Variants in NAV3 observed in about 807,000 individuals in gnomAD.
The protein encoded by NAV3 is pore membrane and/or filament interacting like protein 1.
Under a neutral mutation model 244.7 loss-of-function variants are expected in NAV3, and 87 were observed. That is an observed-to-expected ratio of 0.36 (90% CI 0.30 to 0.42). NAV3 has a LOEUF of 0.42. Among genes scored for constraint, NAV3 ranks in the 20% least tolerant of loss-of-function variants. NAV3 has a pLI of 1.00. For missense variants in NAV3, 2,663 were observed against 2,893.3 expected (o/e 0.92, Z 1.83); for synonymous variants, 1,126 against 1,042.2 (o/e 1.08, Z -1.55).
intron 1 of NAV3, among the ~76,000 whole-genome samples, chr12:77,916,006 G>T (rs571169394): frequency 6.6e-6 from 1 of 152,110 alleles, no homozygotes; most frequent in Admixed American, 6.6e-5. Context: ...GCAATGTAAT[G>T]GGTTAGACAG....
At chr12:78,189,521 T>A (rs1156627794) in intron 33 of NAV3, among the ~76,000 whole-genome samples, 1 of 150,932 alleles carries the variant, frequency 6.6e-6, no homozygotes. Flanking sequence ...AATAAGGAGA[T>A]GGGGTGAAGA....
chr12:78,116,975 T>C, intron 13 of NAV3, 71 bp downstream of exon 13: 1 of 1,558,774 alleles, frequency 6.4e-7, no homozygotes, highest in Non-Finnish European at 8.8e-7. Context: ...AATATTAGAT[T>C]AAGGTATAGC....
chr12:78,038,328 A>G (rs568383896), intron 9 of NAV3, among the ~76,000 whole-genome samples: 1 of 152,326 alleles, frequency 6.6e-6, no homozygotes, highest in African/African-American at 2.4e-5. Context: ...AAAGGGCTTC[A>G]TATTGGCCTC....
At chr12:77,846,706 G>T (rs759242661) in intron 1 of NAV3, among the ~76,000 whole-genome samples, 9 of 152,130 alleles carry the variant, frequency 5.9e-5, no homozygotes, top group Admixed American at 4.6e-4. Context: ...GTTGTTAGAT[G>T]CTGTCAATTA....
chr12:77,907,783 C>A (rs1886147047), intron 1 of NAV3, among the ~76,000 whole-genome samples: 1 of 152,076 alleles, frequency 6.6e-6, no homozygotes, highest in Admixed American at 6.6e-5. Flanking sequence ...CACCTAAGAG[C>A]AAGCTAATTT....
chr12:77,800,338 T>C (rs532495436), intron 2 of NAV3, among the ~76,000 whole-genome samples: 16 of 152,316 alleles, frequency 1.1e-4, no homozygotes, highest in African/African-American at 3.6e-4. Flanking sequence ...TGAGGGTTTT[T>C]AAACCTACAA....
intron 11 of NAV3, 61 bp downstream of exon 11, chr12:78,051,208 A>T: frequency 6.6e-7 from 1 of 1,522,600 alleles, no homozygotes; most frequent in Non-Finnish European, 8.9e-7. Flanking sequence ...ACTATAATGC[A>T]TTCACTATAA....
intron 2 of NAV3, among the ~76,000 whole-genome samples, chr12:77,804,266 G>T (rs538302189): frequency 2.6e-4 from 39 of 152,020 alleles, no homozygotes; most frequent in South Asian, 1.5e-3. Flanking sequence ...TTCTTCTAGG[G>T]TTTTTATCGT....
At chr12:77,760,748 G>T (rs1030399592) in intron 2 of NAV3, among the ~76,000 whole-genome samples, 3 of 152,152 alleles carry the variant, frequency 2.0e-5, no homozygotes, top group African/African-American at 4.8e-5. Flanking sequence ...CAAAGAGGGG[G>T]AAGAAGGTAG....
chr12:77,891,736 C>T (rs546796340), intron 1 of NAV3, among the ~76,000 whole-genome samples: 283 of 152,326 alleles, frequency 1.9e-3, no homozygotes, highest in Non-Finnish European at 3.2e-3. Context: ...CCAAAGCCAG[C>T]AGCTGCAGAG....
intron 1 of NAV3, among the ~76,000 whole-genome samples, chr12:77,901,481 G>A (rs11107249): frequency 6.6e-6 from 1 of 151,994 alleles, no homozygotes; most frequent in Non-Finnish European, 1.5e-5. Context: ...AGGCTGAGGC[G>A]GGTGGATCAC....
chr12:78,078,759 G>C (rs1317026895), intron 12 of NAV3, among the ~76,000 whole-genome samples: 1 of 152,016 alleles, frequency 6.6e-6, no homozygotes, highest in Non-Finnish European at 1.5e-5. Context: ...CACAATAATA[G>C]ACAACTAGAA....
intron 2 of NAV3, among the ~76,000 whole-genome samples, chr12:77,621,776 C>A (rs1446638418): frequency 6.6e-6 from 1 of 152,084 alleles, no homozygotes; most frequent in Non-Finnish European, 1.5e-5. Flanking sequence ...CTGCACCCGG[C>A]CTGAACTCTA....
intron 2 of NAV3, among the ~76,000 whole-genome samples, chr12:77,623,103 T>G (rs1023335242): frequency 1.3e-5 from 2 of 152,192 alleles, no homozygotes; most frequent in South Asian, 4.1e-4. Context: ...CAGTGTCTGT[T>G]TTGGATGTCT....
At chr12:77,964,824 G>A (rs1302414006) in intron 3 of NAV3, among the ~76,000 whole-genome samples, 1 of 151,822 alleles carries the variant, frequency 6.6e-6, no homozygotes, top group East Asian at 1.9e-4. Context: ...CAAAATAAAT[G>A]AGTATATCTT....
chr12:77,852,434 G>A (rs1187896947), intron 1 of NAV3, among the ~76,000 whole-genome samples: 1 of 152,098 alleles, frequency 6.6e-6, no homozygotes, highest in African/African-American at 2.4e-5. Flanking sequence ...ACTTGAAAGG[G>A]AGGCTGAGGT....
At chr12:77,612,599 C>A (rs1592503430) in intron 2 of NAV3, among the ~76,000 whole-genome samples, 1 of 152,088 alleles carries the variant, frequency 6.6e-6, no homozygotes, top group African/African-American at 2.4e-5. Context: ...GAACACTACA[C>A]CTTGTAGATT....
At chr12:77,983,887 C>A (rs982706679) in intron 5 of NAV3, among the ~76,000 whole-genome samples, 9 of 152,142 alleles carry the variant, frequency 5.9e-5, no homozygotes, top group Non-Finnish European at 1.3e-4. Context: ...TTCCTGGAAT[C>A]TAGATACAAA....
intron 2 of NAV3, among the ~76,000 whole-genome samples, chr12:77,801,730 C>T (rs1275414928): frequency 2.6e-5 from 4 of 152,154 alleles, no homozygotes; most frequent in South Asian, 2.1e-4. Context: ...TTATGTAACT[C>T]GACCTGCAAT....
Sources: gnomAD v4.1 joint callset for allele counts (sites outside exome capture counted in the v4.1 genomes callset) on GRCh38, gnomAD v4.1.1 for gene constraint, MANE v1.5 for transcripts, NCBI Gene and HGNC (gene_info 2026-07-23, HGNC 2026-07-21) for gene names.